The following SLC37A2 variants were observed in gnomAD, a reference collection of about 807,000 sequenced individuals.
The protein encoded by SLC37A2 is glucose-6-phosphate exchanger SLC37A2.
A neutral mutation model predicts 70.7 loss-of-function variants in SLC37A2; 59 were observed. The observed-to-expected ratio is 0.83, with a 90% CI of 0.68 to 1.04. The LOEUF is 1.04. Among genes scored for constraint, SLC37A2 ranks in the 50% least tolerant of loss-of-function variants. The pLI is 0.00. For synonymous variants in SLC37A2, 257 were observed against 262.1 expected, an observed-to-expected ratio of 0.98 and a Z score of 0.19; for missense variants, 580 against 658.1, an observed-to-expected ratio of 0.88 and a Z score of 1.30.
At chr11:125,078,348 A>T (rs893607059) in intron 4 of SLC37A2, among the ~76,000 whole-genome samples, 1 of 152,258 alleles carries the variant, frequency 6.6e-6, no homozygotes, top group East Asian at 1.9e-4. Context: ...TCCCATCCAG[A>T]TGAGCATTTC....
At chr11:125,072,527 TC>T (rs1478064158) in intron 1 of SLC37A2, among the ~76,000 whole-genome samples, 1 of 152,084 alleles carries the variant, frequency 6.6e-6, no homozygotes, top group African/African-American at 2.4e-5. Flanking sequence ...TGGGCTGCCA[TC>T]CCCCCGTCAC....
chr11:125,082,090 G>T (rs1032651523), intron 9 of SLC37A2, among the ~76,000 whole-genome samples, 154 bp from the exon 10 acceptor site: 3 of 152,146 alleles, frequency 2.0e-5, no homozygotes, highest in African/African-American at 7.2e-5. Flanking sequence ...TTGCACAGTG[G>T]TCATGTTGCT....
chr11:125,082,576 G>A (rs1187595222), intron 10 of SLC37A2, among the ~76,000 whole-genome samples: 1 of 152,128 alleles, frequency 6.6e-6, no homozygotes, highest in Admixed American at 6.5e-5. Flanking sequence ...TGAGCTGGGG[G>A]TTAGGAACTC....
intron 5 of SLC37A2, 69 bp from the exon 6 acceptor site, chr11:125,079,615 G>C (rs573622674): frequency 7.9e-7 from 1 of 1,267,024 alleles, no homozygotes; most frequent in South Asian, 1.3e-5. Flanking sequence ...CTCAGCCCAG[G>C]GTGGTCAGAG....
chr11:125,087,081 G>A (rs563036280), intron 17 of SLC37A2: 6 of 153,202 alleles, frequency 3.9e-5, no homozygotes, highest in African/African-American at 1.4e-4. Flanking sequence ...CAAAGTTCCT[G>A]TGCCTGTGCT....
rs747682722 is a variant in SLC37A2, at chr11:125,080,831, T to C, written c.694+51T>C. 3.7e-6 allele frequency: 5 copies of C among 1,338,664 alleles called. No individual in the cohort carries two copies. The highest frequency in any genetic ancestry group is 4.8e-6 in the Non-Finnish European group (5 of 1,034,164). 82.9% of individuals were successfully genotyped at this position (1,338,664 alleles called of 1,614,324 possible). A position where few individuals can be genotyped will look rare whatever the true frequency, so the allele number is the denominator to read the frequency against. ...AGTGAGCCTAGAAGTTCTCGGTTTC[T>C]GGGAGAAGGCAGCTGGATCTACTGG... On this transcript the variant is annotated intron_variant, in intron 7 of 17. Coordinates refer to ENST00000403796, the MANE Select transcript of SLC37A2 (RefSeq NM_001145290.2). The surrounding 1 kb of genome is among the most constrained non-coding windows in gnomAD (Gnocchi z 4.3).
At chr11:125,085,829 C>G (rs950804490) in intron 16 of SLC37A2, 125 bp from the exon 17 acceptor site, 7 of 1,252,476 alleles carry the variant, frequency 5.6e-6, no homozygotes, top group Admixed American at 3.5e-5. Flanking sequence ...CGAGTGACCC[C>G]TTGCCAAGTG....
At chr11:125,073,223 G>A (rs1446242829) in intron 1 of SLC37A2, among the ~76,000 whole-genome samples, 1 of 152,290 alleles carries the variant, frequency 6.6e-6, no homozygotes, top group African/African-American at 2.4e-5. Context: ...GGAGGGCCCC[G>A]GGGCTGGAGT....
chr11:125,067,296 G>A (rs1948991394), intron 1 of SLC37A2, among the ~76,000 whole-genome samples: 1 of 152,056 alleles, frequency 6.6e-6, no homozygotes, highest in Non-Finnish European at 1.5e-5. Context: ...CCAGCCTCCA[G>A]TAACATTTTA....
intron 13 of SLC37A2, 30 bp downstream of exon 13, chr11:125,084,903 C>G (rs778867235): frequency 4.3e-6 from 7 of 1,612,598 alleles, no homozygotes; most frequent in Non-Finnish European, 5.1e-6. Context: ...TCCTGCCAGG[C>G]CAGGGGAAAG....
At chr11:125,073,224 G>A (rs930399974) in intron 1 of SLC37A2, among the ~76,000 whole-genome samples, 1 of 152,170 alleles carries the variant, frequency 6.6e-6, no homozygotes, top group Non-Finnish European at 1.5e-5. Context: ...GAGGGCCCCG[G>A]GGCTGGAGTC....
intron 5 of SLC37A2, 137 bp downstream of exon 5, chr11:125,079,384 C>G: frequency 8.7e-7 from 1 of 1,147,654 alleles, no homozygotes; most frequent in East Asian, 2.4e-5. Flanking sequence ...CTGAGTTCTA[C>G]CTCCTGGCCC....
intron 1 of SLC37A2, among the ~76,000 whole-genome samples, chr11:125,067,735 G>T (rs985160316): frequency 3.3e-5 from 5 of 152,118 alleles, no homozygotes; most frequent in Non-Finnish European, 7.4e-5. Flanking sequence ...TAGACTTATT[G>T]TTTGATGTAC....
Position 125,089,101 on chromosome 11 carries a change from T to G in SLC37A2, c.*967T>G, listed in dbSNP as rs2135580930. On this transcript the variant is annotated 3_prime_UTR_variant, in exon 18 of 18. Transcript: ENST00000403796. ...GATGTGGTCACCTGGTGCCATCTGC[T>G]GCTCCCTTTTCCACTTTTCTATGTC... The G allele has an allele frequency of 6.6e-6, 1 of 152,420 alleles. No individual in the cohort carries two copies. Among genetic ancestry groups the G allele is most frequent in the South Asian group, 2.1e-4 (1 of 4,834 alleles). 9.4% of individuals were successfully genotyped at this position (152,420 alleles called of 1,614,324 possible).
chr11:125,083,738 G>A lies in SLC37A2; in HGVS notation c.977-77G>A, dbSNP rs1229256775. On this transcript the variant is annotated intron_variant, in intron 10 of 17. Transcript: ENST00000403796. This position sits in a 1 kb window ranked among gnomAD's most constrained non-coding sequence, Gnocchi z 4.6. ...GGGGCAGTGGTCTGGATCACGCTCT[G>A]CAGGGCTTCTAGCTGTGACACTCCA... 1.5e-6 allele frequency: 2 copies of A among 1,330,856 alleles called. No individual in the cohort carries two copies. Among genetic ancestry groups the A allele is most frequent in the Non-Finnish European group, 2.2e-6 (2 of 922,674 alleles). 82.4% of individuals were successfully genotyped at this position (1,330,856 alleles called of 1,614,324 possible).
intron 1 of SLC37A2, among the ~76,000 whole-genome samples, chr11:125,070,617 C>T (rs1479981831): frequency 2.0e-5 from 3 of 152,164 alleles, no homozygotes; most frequent in African/African-American, 7.2e-5. Context: ...CAAAGAGGTG[C>T]ATGGTAAGGG....
rs140314425 is a variant in SLC37A2, at chr11:125,088,462, G to A, written c.*328G>A. ...GCTTGTTCAGATTCCAAGACAGAAG[G>A]CTTCACAAGGCCAACGCCTGGAAAA... On this transcript the variant is annotated 3_prime_UTR_variant, in exon 18 of 18. Coordinates refer to ENST00000403796, the MANE Select transcript of SLC37A2 (RefSeq NM_001145290.2). The A allele has an allele frequency of 3.5e-6, 1 of 286,020 alleles. No individual in the cohort carries two copies. Among genetic ancestry groups the A allele is most frequent in the African/African-American group, 2.2e-5 (1 of 46,392 alleles). The allele number at this position is 286,020 out of a possible 1,614,324, so 17.7% of individuals were successfully genotyped here.
intron 14 of SLC37A2, 74 bp downstream of exon 14, chr11:125,085,213 T>C (rs1949194760): frequency 2.7e-6 from 4 of 1,463,060 alleles, no homozygotes; most frequent in Admixed American, 1.7e-5. Context: ...CCAGGTCCAT[T>C]TCTCCCTGTC....
chr11:125,063,731 T>A lies in SLC37A2; in HGVS notation c.59+305T>A, dbSNP rs1379479418. Among the ~76,000 whole-genome samples, 1 of 152,052 alleles carries A rather than the reference T, an allele frequency of 6.6e-6. No homozygotes were observed. Among genetic ancestry groups the A allele is most frequent in the African/African-American group, 2.4e-5 (1 of 41,382 alleles). On this transcript the variant is annotated intron_variant, in intron 1 of 17. Transcript: ENST00000403796. This position sits in a 1 kb window ranked among gnomAD's most constrained non-coding sequence, Gnocchi z 5.4. ...TTCCATCCTCCCCTCCTAACACACA[T>A]CCGGGGCGCCTTCAGAGCGCCTTTC...
Sources: allele counts gnomAD v4.1 joint callset (sites outside exome capture counted in the v4.1 genomes callset), GRCh38; gene constraint gnomAD v4.1.1; non-coding constraint Gnocchi (gnomAD v3.1); transcripts MANE v1.5; gene names NCBI Gene and HGNC (gene_info 2026-07-23, HGNC 2026-07-21).